The following NR3C2 variants were observed in gnomAD, a reference collection of about 807,000 sequenced individuals.
NR3C2 encodes nuclear receptor subfamily 3 group C member 2, also known as mineralocorticoid receptor.
NR3C2 carries 15 observed loss-of-function variants against 86.4 expected under a neutral mutation model. That is an observed-to-expected ratio of 0.17 (90% CI 0.12 to 0.27). The LOEUF is 0.27. Ranked by LOEUF, NR3C2 falls within the 10% of genes least tolerant of loss-of-function variation. The pLI, the probability that NR3C2 is intolerant of heterozygous loss-of-function variation, is 1.00. For synonymous variants in NR3C2, 458 were observed against 450.5 expected (o/e 1.02, Z -0.21); for missense variants, 960 against 1,195.6 (o/e 0.80, Z 2.91).
chr4:148,232,926 C>T (rs923259843), intron 3 of NR3C2, among the ~76,000 whole-genome samples: 1 of 152,336 alleles, frequency 6.6e-6, no homozygotes, highest in African/African-American at 2.4e-5. Context: ...TCTTCCGCTG[C>T]TTCCTGACCT....
At chr4:148,393,389 C>T (rs1747691382) in intron 2 of NR3C2, among the ~76,000 whole-genome samples, 1 of 152,180 alleles carries the variant, frequency 6.6e-6, no homozygotes, top group Non-Finnish European at 1.5e-5. Flanking sequence ...AATAGAACTC[C>T]AGAGGTCTTG....
chr4:148,234,010 G>A (rs1458229240), intron 3 of NR3C2, among the ~76,000 whole-genome samples: 2 of 152,020 alleles, frequency 1.3e-5, no homozygotes, highest in Non-Finnish European at 2.9e-5. Context: ...TAACTGCAAG[G>A]CACAATAAAC....
At chr4:148,387,354 C>T (rs1230995809) in intron 2 of NR3C2, among the ~76,000 whole-genome samples, 1 of 152,134 alleles carries the variant, frequency 6.6e-6, no homozygotes, top group Non-Finnish European at 1.5e-5. Context: ...ACAAAGCTAC[C>T]TACCTGCCCT....
intron 8 of NR3C2, among the ~76,000 whole-genome samples, chr4:148,097,741 G>GTTTTTTTTTTTTTTTTTTTTTTTTTTTTT (rs1180902227): frequency 9.3e-6 from 1 of 107,504 alleles, no homozygotes; most frequent in Non-Finnish European, 1.8e-5. Context: ...ACTTTTTTGC[G>GTTTTTTTTTTTTTTTTTTTTTTTTTTTTT]TTTTTTTTTG....
intron 3 of NR3C2, among the ~76,000 whole-genome samples, chr4:148,202,093 T>C (rs61757497): frequency 1.3e-5 from 2 of 152,174 alleles, no homozygotes; most frequent in Non-Finnish European, 2.9e-5. Flanking sequence ...AAAACTGACT[T>C]ATCACACATT....
chr4:148,378,330 G>A (rs1272385975), intron 2 of NR3C2, among the ~76,000 whole-genome samples: 2 of 151,800 alleles, frequency 1.3e-5, no homozygotes, highest in East Asian at 1.9e-4. Flanking sequence ...AGAAGAACTG[G>A]GCAACAGTGT....
At chr4:148,103,406 G>T (rs1040746565) in intron 8 of NR3C2, among the ~76,000 whole-genome samples, 1 of 152,144 alleles carries the variant, frequency 6.6e-6, no homozygotes, top group Non-Finnish European at 1.5e-5. Context: ...GCTACCACGT[G>T]TGCCTCCCCT....
chr4:148,341,159 A>G (rs1744728626), intron 2 of NR3C2, among the ~76,000 whole-genome samples: 1 of 152,190 alleles, frequency 6.6e-6, no homozygotes, highest in Non-Finnish European at 1.5e-5. Flanking sequence ...TATTTATTGC[A>G]GCACTATTCA....
chr4:148,324,888 G>C (rs1052932332), intron 2 of NR3C2, among the ~76,000 whole-genome samples: 76 of 152,232 alleles, frequency 5.0e-4, no homozygotes, highest in African/African-American at 1.8e-3. Flanking sequence ...GTTGTTCACT[G>C]CCACAAACCA....
chr4:148,205,798 A>T (rs893206169), intron 3 of NR3C2, among the ~76,000 whole-genome samples: 2 of 152,234 alleles, frequency 1.3e-5, no homozygotes, highest in Non-Finnish European at 2.9e-5. Context: ...CAGAAGAAAT[A>T]ACAATAGATT....
chr4:148,159,019 C>T (rs969751616), intron 4 of NR3C2, among the ~76,000 whole-genome samples: 1 of 152,042 alleles, frequency 6.6e-6, no homozygotes, highest in Non-Finnish European at 1.5e-5. Flanking sequence ...CTAAAAGGGC[C>T]AAAAATACGG....
chr4:148,299,841 C>T (rs1457212474), intron 2 of NR3C2, among the ~76,000 whole-genome samples: 1 of 152,066 alleles, frequency 6.6e-6, no homozygotes, highest in Non-Finnish European at 1.5e-5. Context: ...TTCTTTTCTC[C>T]ACTGGGTCAG....
intron 2 of NR3C2, among the ~76,000 whole-genome samples, chr4:148,338,059 A>G (rs1322277268): frequency 6.6e-6 from 1 of 152,188 alleles, no homozygotes; most frequent in Non-Finnish European, 1.5e-5. Flanking sequence ...AACGGGTCTC[A>G]TTAATGTACT....
chr4:148,363,341 T>G (rs1745936075), intron 2 of NR3C2, among the ~76,000 whole-genome samples: 1 of 152,178 alleles, frequency 6.6e-6, no homozygotes, highest in Non-Finnish European at 1.5e-5. Flanking sequence ...AGTCAGAATT[T>G]GGACCTGTCA....
intron 2 of NR3C2, among the ~76,000 whole-genome samples, chr4:148,274,380 G>A (rs1414108328): frequency 6.6e-6 from 1 of 152,152 alleles, no homozygotes; most frequent in Non-Finnish European, 1.5e-5. Flanking sequence ...TTGGCTCTGT[G>A]CCCCACCCAA....
chr4:148,273,174 A>G (rs1025471325), intron 2 of NR3C2, among the ~76,000 whole-genome samples: 3 of 152,230 alleles, frequency 2.0e-5, no homozygotes, highest in African/African-American at 7.2e-5. Context: ...TTTGATTTCA[A>G]TGCCACTGGA....
intron 2 of NR3C2, among the ~76,000 whole-genome samples, chr4:148,281,957 T>C (rs1406360185): frequency 6.6e-6 from 1 of 152,228 alleles, no homozygotes; most frequent in Non-Finnish European, 1.5e-5. Flanking sequence ...ATACTTGAAG[T>C]GGGCCTTGAA....
intron 2 of NR3C2, among the ~76,000 whole-genome samples, chr4:148,391,691 AC>A (rs767419314): frequency 6.6e-6 from 1 of 152,056 alleles, no homozygotes; most frequent in African/African-American, 2.4e-5. Flanking sequence ...ACATGGTGAA[AC>A]CCTCTCTCTA....
intron 2 of NR3C2, among the ~76,000 whole-genome samples, chr4:148,314,342 T>C (rs1743055191): frequency 6.6e-6 from 1 of 152,156 alleles, no homozygotes; most frequent in Admixed American, 6.6e-5. Flanking sequence ...ACATTATTAT[T>C]TTTTTAGATA....
Sources: gnomAD v4.1 joint callset for allele counts (sites outside exome capture counted in the v4.1 genomes callset) on GRCh38, gnomAD v4.1.1 for gene constraint, MANE v1.5 for transcripts, NCBI Gene and HGNC (gene_info 2026-07-23, HGNC 2026-07-21) for gene names.